The following DHX8 variants were observed in gnomAD, a reference collection of about 807,000 sequenced individuals.
The protein encoded by DHX8 is ATP-dependent RNA helicase DHX8.
In DHX8, 67 loss-of-function variants were observed where a neutral mutation model predicts 140.7. The ratio of observed to expected loss-of-function variants is 0.48; its 90% CI spans 0.39 to 0.58. DHX8 has a LOEUF of 0.58. Among genes scored for constraint, DHX8 ranks in the 20% least tolerant of loss-of-function variants. The pLI, the probability that DHX8 is intolerant of heterozygous loss-of-function variation, is 0.00. For synonymous variants in DHX8, 533 were observed against 553.2 expected, an observed-to-expected ratio of 0.96 and a Z score of 0.51; for missense variants, 887 against 1,550.7, an observed-to-expected ratio of 0.57 and a Z score of 7.19.
intron 4 of DHX8, 25 bp downstream of exon 4, chr17:43,491,275 C>T: frequency 7.8e-7 from 1 of 1,284,978 alleles, no homozygotes; most frequent in South Asian, 1.6e-5. Context: ...TTAAGAGTGT[C>T]TACTATAAAT....
At chr17:43,523,379 T>C (rs1422107777) in intron 22 of DHX8, among the ~76,000 whole-genome samples, 1 of 152,234 alleles carries the variant, frequency 6.6e-6, no homozygotes, top group Non-Finnish European at 1.5e-5. Context: ...TGGCTCCATG[T>C]CACTTAACTA....
intron 22 of DHX8, among the ~76,000 whole-genome samples, chr17:43,523,099 C>T (rs949797779): frequency 6.6e-6 from 1 of 150,894 alleles, no homozygotes; most frequent in African/African-American, 2.4e-5. Flanking sequence ...AAACAACTAC[C>T]TAGTGATGTA....
downstream of DHX8, among the ~76,000 whole-genome samples, chr17:43,531,634 C>A (rs1567708270): frequency 6.6e-6 from 1 of 152,180 alleles, no homozygotes; most frequent in Non-Finnish European, 1.5e-5. Flanking sequence ...AACCCAGTGG[C>A]ACTCCAGCCT....
downstream of DHX8, among the ~76,000 whole-genome samples, chr17:43,527,325 TG>T (rs1970646930): frequency 2.0e-5 from 3 of 152,184 alleles, no homozygotes; most frequent in Middle Eastern, 3.2e-3. Flanking sequence ...CTTTCTCCTT[TG>T]CCCCATTCTC....
At chr17:43,511,435 G>C (rs1040775386) in intron 16 of DHX8, among the ~76,000 whole-genome samples, 1 of 132,990 alleles carries the variant, frequency 7.5e-6, no homozygotes, top group Non-Finnish European at 1.6e-5. Context: ...AGGCGCAGTG[G>C]CTTATGCCTG....
Position 43,523,969 on chromosome 17 carries a change from A to G in DHX8, c.*122A>G. ...GACTGTCTTAACTGAGCATTTTCTC[A>G]ACTCGACTCTCATTTCTTCCCTGCT... On this transcript the variant is annotated 3_prime_UTR_variant, in exon 23 of 23. Coordinates refer to ENST00000262415, the MANE Select transcript of DHX8 (RefSeq NM_004941.3). The G allele has an allele frequency of 1.4e-6, 2 of 1,470,050 alleles. No homozygotes were observed. The highest frequency in any genetic ancestry group is 1.8e-6 in the Non-Finnish European group (2 of 1,113,388). The allele number at this position is 1,470,050 out of a possible 1,614,324, so 91.1% of individuals were successfully genotyped here.
intron 1 of DHX8, among the ~76,000 whole-genome samples, chr17:43,489,097 C>T (rs1446321332): frequency 2.6e-5 from 4 of 152,084 alleles, no homozygotes; most frequent in Non-Finnish European, 5.9e-5. Context: ...CTCTGCCTCC[C>T]GGGTTCAAGT....
At chr17:43,530,264 A>C (rs569765180), downstream of DHX8, 8 of 1,537,584 alleles carry the variant, frequency 5.2e-6, no homozygotes, top group African/African-American at 9.6e-5. Flanking sequence ...ATCCACATTC[A>C]AGAATTTCTT....
chr17:43,530,187 G>C, downstream of DHX8: 1 of 1,553,636 alleles, frequency 6.4e-7, no homozygotes, highest in Non-Finnish European at 8.7e-7. Flanking sequence ...GACATCTGTG[G>C]GGGAAGAAGG....
In DHX8 at chr17:43,486,407, C is replaced by T. The variant is rs189042579; in HGVS notation, c.148+2222C>T. Among the ~76,000 whole-genome samples, 279 of 151,912 alleles carry T rather than the reference C, an allele frequency of 1.8e-3. 1 individual carries two copies. The highest frequency in any genetic ancestry group is 6.4e-3 in the African/African-American group (264 of 41,420). On this transcript the variant is annotated intron_variant, in intron 1 of 22. Transcript: ENST00000262415. ...GGGAGAGTTGAGATAGTAGAGTTTC[C>T]GATGAAAACTGGAAAACCTGCTAGA...
intron 17 of DHX8, among the ~76,000 whole-genome samples, chr17:43,514,812 C>A: frequency 6.6e-6 from 1 of 152,106 alleles, no homozygotes; most frequent in Non-Finnish European, 1.5e-5. Context: ...ATATTCATGC[C>A]ATAGAATGTT....
intron 22 of DHX8, 71 bp from the exon 23 acceptor site, chr17:43,523,557 C>T: frequency 6.3e-7 from 1 of 1,590,364 alleles, no homozygotes; most frequent in Non-Finnish European, 8.6e-7. Flanking sequence ...CTGAGGCCTA[C>T]TAGGGACCAG....
intron 8 of DHX8, 81 bp downstream of exon 8, chr17:43,493,967 G>A: frequency 6.9e-7 from 1 of 1,457,422 alleles, no homozygotes; most frequent in Admixed American, 1.8e-5. Context: ...GAGCACGATG[G>A]CCTGGGATAA....
chr17:43,503,684 A>G (rs1235511493), intron 11 of DHX8, among the ~76,000 whole-genome samples: 2 of 151,978 alleles, frequency 1.3e-5, no homozygotes, highest in Non-Finnish European at 2.9e-5. Context: ...AAAAAAATTA[A>G]TCTGAGAGAA....
Position 43,492,702 on chromosome 17 carries a change from G to A in DHX8, c.525G>A (p.Lys175=), listed in dbSNP as rs760802432. The change falls in exon 6 of 23, where the codon AAG becomes AAA. Residue 175 remains lysine, a synonymous_variant. Transcript: ENST00000262415. ...TTAGGGACAGGACAAAGAAGAAGAA[G>A]CGGAGTCGAAGCCGAGATCGAAACC... ...AEHRDRTKKK[K]RSRSRDRNRD... is the part of the protein sequence containing the mutation. The A allele has an allele frequency of 1.9e-6, 3 of 1,577,752 alleles. No individual in the cohort carries two copies.
At chr17:43,499,838 T>C (rs1040095746) in intron 10 of DHX8, 118 bp from the exon 11 acceptor site, 2 of 1,115,184 alleles carry the variant, frequency 1.8e-6, no homozygotes, top group South Asian at 1.5e-5. Flanking sequence ...TATAGTCTGT[T>C]ACATTGATAA....
intron 22 of DHX8, among the ~76,000 whole-genome samples, chr17:43,523,316 T>C (rs1431411881): frequency 6.6e-6 from 1 of 152,162 alleles, no homozygotes; most frequent in Non-Finnish European, 1.5e-5. Context: ...AACATTCTAA[T>C]AAACATCCTC....
At chr17:43,529,066 C>T (rs1970741194), downstream of DHX8, 3 of 1,437,594 alleles carry the variant, frequency 2.1e-6, no homozygotes, top group Non-Finnish European at 2.9e-6. Flanking sequence ...GCCCTGCTGA[C>T]CCTCTCCCCA....
downstream of DHX8, chr17:43,529,184 T>C (rs754622555): frequency 6.2e-7 from 1 of 1,613,948 alleles, no homozygotes; most frequent in East Asian, 2.2e-5. Context: ...GCGGCTCAGC[T>C]TGTCGTAATT....
Sources: gnomAD v4.1 joint callset for allele counts (sites outside exome capture counted in the v4.1 genomes callset) on GRCh38, gnomAD v4.1.1 for gene constraint, MANE v1.5 for transcripts, NCBI Gene and HGNC (gene_info 2026-07-23, HGNC 2026-07-21) for gene names.